The following SRRD variants were observed in gnomAD, a reference collection of about 807,000 sequenced individuals.
The protein encoded by SRRD is SRR1-like protein.
SRRD carries 28 observed loss-of-function variants against 30.7 expected under a neutral mutation model. The ratio of observed to expected loss-of-function variants is 0.91; its 90% confidence interval spans 0.68 to 1.25. The LOEUF is 1.25. Among genes scored for constraint, SRRD ranks in the 50% most tolerant of loss-of-function variants. The probability of loss-of-function intolerance (pLI) is 0.00; values close to 1 mark genes in which losing one functional copy is unlikely to be tolerated. For missense variants in SRRD, 415 were observed against 417.3 expected (o/e 0.99, Z 0.05); for synonymous variants, 161 against 159.6 (o/e 1.01, Z -0.07).
intron 1 of SRRD, among the ~76,000 whole-genome samples, 183 bp downstream of exon 1, chr22:26,484,282 T>C (rs2091641063): frequency 6.6e-6 from 1 of 152,184 alleles, no homozygotes; most frequent in African/African-American, 2.4e-5. Flanking sequence ...AAGGTCGTCT[T>C]TCCTTTTATT....
intron 2 of SRRD, among the ~76,000 whole-genome samples, chr22:26,486,914 CTTTTTTTT>C (rs57889671): frequency 7.8e-6 from 1 of 128,880 alleles, no homozygotes; most frequent in Non-Finnish European, 1.7e-5. Context: ...GTCTTTGCTG[CTTTTTTTT>C]TTTTTTTTTT....
At chr22:26,490,530 T>A (rs769219936) in intron 5 of SRRD, among the ~76,000 whole-genome samples, 35 of 145,284 alleles carry the variant, frequency 2.4e-4, no homozygotes, top group Non-Finnish European at 4.1e-4. Flanking sequence ...TTTCTCTTGA[T>A]GAAATGGGCA....
At position 26,494,455 on chromosome 22, in the gene SRRD, T is replaced by C. The variant is rs1202308777; in HGVS notation, c.*2783T>C. 12 of 953,758 alleles carry C rather than the reference T, an allele frequency of 1.3e-5. No homozygotes were observed. Among genetic ancestry groups the C allele is most frequent in the Admixed American group, 7.1e-5 (3 of 42,152 alleles). The allele number at this position is 953,758 out of a possible 1,614,324, so 59.1% of individuals were successfully genotyped here. A position where few individuals can be genotyped will look rare whatever the true frequency, so the allele number is the denominator to read the frequency against. On this transcript the variant is annotated 3_prime_UTR_variant, in exon 7 of 7. Coordinates refer to ENST00000215917, the MANE Select transcript of SRRD (RefSeq NM_001013694.3). ...TAGTAGCTAAACAGTCTAGCACTTA[T>C]GAATATGGATTTTGGAGTCAGCCTG...
chr22:26,493,874 G>C lies in SRRD; in HGVS notation c.*2202G>C. On this transcript the variant is annotated 3_prime_UTR_variant, in exon 7 of 7. Coordinates refer to ENST00000215917, the MANE Select transcript of SRRD (RefSeq NM_001013694.3). ...CACAGTGGTTAAGAGGGCGGGGCCT[G>C]GGGTTAGACTGACATCATCTGAATC... 4.5e-6 allele frequency: 2 copies of C among 441,892 alleles called. No homozygotes were observed. The highest frequency in any genetic ancestry group is 4.5e-5 in the South Asian group (2 of 44,806). The allele number at this position is 441,892 out of a possible 1,614,324, so 27.4% of individuals were successfully genotyped here. A position where few individuals can be genotyped will look rare whatever the true frequency, so the allele number is the denominator to read the frequency against.
chr22:26,490,887 C>G, intron 5 of SRRD, 138 bp from the exon 6 acceptor site: 1 of 773,902 alleles, frequency 1.3e-6, no homozygotes, highest in Non-Finnish European at 2.1e-6. Context: ...TACTCCACAT[C>G]TTGAGTTTTT....
At position 26,491,677 on chromosome 22, in the gene SRRD, G is replaced by A. The variant is rs757744125; in HGVS notation, c.*5G>A. 1.0e-5 allele frequency: 16 copies of A among 1,606,956 alleles called. No homozygotes were observed. In the Admixed American group the frequency reaches 1.0e-4, roughly 10 times the overall value. The stretch of plus-strand genomic sequence containing the variant: ...GATCCTTCTGCTACTGACTGAACTC[G>A]TTGTGAGGTACTCAGTGTTGGCTGA... On this transcript the variant is annotated 3_prime_UTR_variant, in exon 7 of 7. Transcript: ENST00000215917.
chr22:26,489,451 T>C (rs1386962991), intron 4 of SRRD, among the ~76,000 whole-genome samples: 1 of 151,946 alleles, frequency 6.6e-6, no homozygotes, highest in Non-Finnish European at 1.5e-5. Context: ...AGAACCAGGA[T>C]TGAAGGTAGC....
At position 26,491,764 on chromosome 22, in the gene SRRD, T is replaced by C; in HGVS notation, c.*92T>C. On this transcript the variant is annotated 3_prime_UTR_variant, in exon 7 of 7. Transcript: ENST00000215917. ...CTATGGAGGAACTACAGAGAACTCC[T>C]TTGCCAGGAAAGAACATCAACTTGG... The C allele has an allele frequency of 8.2e-7, 1 of 1,223,134 alleles. No individual in the cohort carries two copies. Among genetic ancestry groups the C allele is most frequent in the Non-Finnish European group, 1.1e-6 (1 of 880,828 alleles). The allele number at this position is 1,223,134 out of a possible 1,614,324, so 75.8% of individuals were successfully genotyped here.
In SRRD at chr22:26,490,099, G is replaced by A. The variant is rs1164707836; in HGVS notation, c.665G>A (p.Gly222Glu). The A allele has an allele frequency of 6.2e-7, 1 of 1,614,034 alleles. No homozygotes were observed. Reference protein sequence around the residue: ...EPTIFYMLHCGTALYNNLLWS... With the variant: ...EPTIFYMLHCETALYNNLLWS... The stretch of plus-strand genomic sequence containing the variant: ...ACCATCTTTTACATGCTCCATTGTG[G>A]GACGGCCTTGTACAACAATCTTTTA... Residue 222 changes from glycine (G) to glutamate (E), a missense_variant, in exon 5 of 7, where the codon GGG becomes GAG. By Grantham distance (98) the Gly-to-Glu change is moderately conservative (BLOSUM62 -2). Coordinates refer to ENST00000215917, the MANE Select transcript of SRRD (RefSeq NM_001013694.3).
chr22:26,494,386 G>T lies in SRRD; in HGVS notation c.*2714G>T. 1 of 1,529,490 alleles carries T rather than the reference G, an allele frequency of 6.5e-7. No homozygotes were observed. Among genetic ancestry groups the T allele is most frequent in the Non-Finnish European group, 9.0e-7 (1 of 1,106,476 alleles). The allele number at this position is 1,529,490 out of a possible 1,614,324, so 94.7% of individuals were successfully genotyped here. On this transcript the variant is annotated 3_prime_UTR_variant, in exon 7 of 7. Coordinates refer to ENST00000215917, the MANE Select transcript of SRRD (RefSeq NM_001013694.3). The stretch of plus-strand genomic sequence containing the variant: ...CTGAAGTGGCCATTTGTTTTGTTTT[G>T]ATCCTGGTCCTACAGGCTAGTGACA...
At position 26,490,090 on chromosome 22, in the gene SRRD, T is replaced by C. The variant is rs1294712959; in HGVS notation, c.656T>C (p.Leu219Pro). ...GGGGAGCCTACCATCTTTTACATGC[T>C]CCATTGTGGGACGGCCTTGTACAAC... ...IRGEPTIFYM[L>P]HCGTALYNNL... The change falls in exon 5 of 7, where the codon CTC (leucine) becomes CCC (proline). Residue 219 changes from leucine to proline, a missense_variant. Transcript: ENST00000215917. 1 of 1,614,126 alleles carries C rather than the reference T, an allele frequency of 6.2e-7. No homozygotes were observed. Among genetic ancestry groups the C allele is most frequent in the Admixed American group, 1.7e-5 (1 of 60,016 alleles).
In SRRD at chr22:26,492,336, T is replaced by C; in HGVS notation, c.*664T>C. The C allele has an allele frequency of 1.2e-6, 2 of 1,614,158 alleles. No individual in the cohort carries two copies. The highest frequency in any genetic ancestry group is 1.7e-6 in the Non-Finnish European group (2 of 1,180,024). ...CGCTCCGTGTGGGTGAGATAGGCAA[T>C]GTTCTCCCGTGCTCCTGGCTGCATG... is the stretch of plus-strand genomic sequence containing the variant. On this transcript the variant is annotated 3_prime_UTR_variant, in exon 7 of 7. Transcript: ENST00000215917.
intron 5 of SRRD, among the ~76,000 whole-genome samples, chr22:26,490,621 T>TGG (rs1351710842): frequency 7.9e-6 from 1 of 126,926 alleles, no homozygotes; most frequent in East Asian, 2.7e-4. Context: ...TGGAGTGCAG[T>TGG]GGTATGATCT....
chr22:26,494,562 C>T lies in SRRD; in HGVS notation c.*2890C>T, dbSNP rs191581526. The T allele has an allele frequency of 7.5e-4, 529 of 706,972 alleles. 3 individuals carry two copies. The African/African-American group carries it at 8.6e-3, about 11-fold the overall frequency. The allele number at this position is 706,972 out of a possible 1,614,324, so 43.8% of individuals were successfully genotyped here. On this transcript the variant is annotated 3_prime_UTR_variant, in exon 7 of 7. Coordinates refer to ENST00000215917, the MANE Select transcript of SRRD (RefSeq NM_001013694.3). ...AACAGGGATACCATATCCCCTACCC[C>T]ATAGGGTTGCTGAGAGGAGCTGAGA...
intron 2 of SRRD, among the ~76,000 whole-genome samples, chr22:26,486,945 G>A (rs1474521047): frequency 2.1e-5 from 3 of 144,160 alleles, no homozygotes; most frequent in East Asian, 2.0e-4. Context: ...CTTTTGAGAC[G>A]GAGTCTCACT....
Position 26,491,747 on chromosome 22 carries a change from G to A in SRRD, c.*75G>A, listed in dbSNP as rs1921214295. 7.7e-7 allele frequency: 1 copy of A among 1,296,340 alleles called. No individual in the cohort carries two copies. Among genetic ancestry groups the A allele is most frequent in the East Asian group, 2.4e-5 (1 of 42,086 alleles). The allele number at this position is 1,296,340 out of a possible 1,614,324, so 80.3% of individuals were successfully genotyped here. On this transcript the variant is annotated 3_prime_UTR_variant, in exon 7 of 7. Coordinates refer to ENST00000215917, the MANE Select transcript of SRRD (RefSeq NM_001013694.3). ...GACTAAAGGGAAGGCTGCTATGGAG[G>A]AACTACAGAGAACTCCTTTGCCAGG...
rs751355163 is a variant in SRRD, at chr22:26,490,076, C to T, written c.642C>T (p.Thr214=). 9 of 1,614,022 alleles carry T rather than the reference C, an allele frequency of 5.6e-6. No homozygotes were observed. The highest frequency in any genetic ancestry group is 7.6e-6 in the Non-Finnish European group (9 of 1,179,942). The change falls in exon 5 of 7, where the codon ACC becomes ACT. Residue 214 remains threonine (T), a synonymous_variant. Coordinates refer to ENST00000215917, the MANE Select transcript of SRRD (RefSeq NM_001013694.3). The part of the protein sequence containing the change: ...EGKRSIRGEP[T]IFYMLHCGTA... Reference sequence around the variant, plus strand: ...AACGGAGTATTCGCGGGGAGCCTACCATCTTTTACATGCTCCATTGTGGGA... The same window carrying T: ...AACGGAGTATTCGCGGGGAGCCTACTATCTTTTACATGCTCCATTGTGGGA...
At position 26,484,027 on chromosome 22, in the gene SRRD, CGGCGCCCCG is replaced by C; in HGVS notation, c.140_148del (p.Ala47_Arg49del). 1 of 1,436,292 alleles carries C rather than the reference CGGCGCCCCG, an allele frequency of 7.0e-7. No homozygotes were observed. Among genetic ancestry groups the C allele is most frequent in the Non-Finnish European group, 9.1e-7 (1 of 1,099,798 alleles). 89.0% of individuals were successfully genotyped at this position (1,436,292 alleles called of 1,614,324 possible). ...GAGGCGGCGCCCCGGGGGAGAGAGG[CGGCGCCCCG>C]GGGCCCCGAGGCGGAGTTCGAGTCT... is the stretch of plus-strand genomic sequence containing the variant. On this transcript the variant is annotated inframe_deletion, in exon 1 of 7. Coordinates refer to ENST00000215917, the MANE Select transcript of SRRD (RefSeq NM_001013694.3).
rs546011223 is a variant in SRRD, at chr22:26,487,915, C to A, written c.251-114C>A. 1.0e-4 allele frequency: 122 copies of A among 1,208,996 alleles called. 2 individuals carry two copies. The East Asian group carries it at 1.0e-3, about 10-fold the overall frequency. The allele number at this position is 1,208,996 out of a possible 1,614,324, so 74.9% of individuals were successfully genotyped here. On this transcript the variant is annotated intron_variant, in intron 2 of 6. Transcript: ENST00000215917. ...TCTCTCTCTCTCTGAAGAATTGAAA[C>A]CTTTTACTGCCCTGATCTCTTTCTC...
Sources: gnomAD v4.1 joint callset for allele counts (sites outside exome capture counted in the v4.1 genomes callset) on GRCh38, gnomAD v4.1.1 for gene constraint, MANE v1.5 for transcripts, NCBI Gene and HGNC (gene_info 2026-07-23, HGNC 2026-07-21) for gene names.